The following C1orf105 variants were observed in gnomAD, a reference collection of about 807,000 sequenced individuals.
The protein encoded by C1orf105 is chromosome 1 open reading frame 105, also known as uncharacterized protein C1orf105.
Under a neutral mutation model 20.8 loss-of-function variants are expected in C1orf105, and 17 were observed. That is an observed-to-expected ratio of 0.82 (90% CI 0.56 to 1.23). The LOEUF (loss-of-function observed/expected upper bound fraction) is 1.23. Among genes scored for constraint, C1orf105 ranks in the 50% most tolerant of loss-of-function variants. The probability of loss-of-function intolerance (pLI) is 0.00; values close to 1 mark genes in which losing one functional copy is unlikely to be tolerated. For missense variants in C1orf105, 219 were observed against 213.5 expected, an observed-to-expected ratio of 1.03 and a Z score of -0.16; for synonymous variants, 72 against 72.1, an observed-to-expected ratio of 1.00 and a Z score of 0.01.
intron 6 of C1orf105, chr1:172,465,739 G>A (rs936101960): frequency 5.9e-5 from 27 of 458,726 alleles, no homozygotes; most frequent in Admixed American, 4.7e-5. Flanking sequence ...CCCTCAGAGC[G>A]GCCTCACCAA....
intron 4 of C1orf105, among the ~76,000 whole-genome samples, chr1:172,457,517 C>T (rs566627255): frequency 6.6e-6 from 1 of 152,314 alleles, no homozygotes; most frequent in East Asian, 1.9e-4. Flanking sequence ...CAAAGCTGCA[C>T]CTTGATGTTG....
At position 172,440,542 on chromosome 1, in the gene C1orf105, G is replaced by A. The variant is rs76237180; in HGVS notation, c.22-4531G>A. The stretch of plus-strand genomic sequence containing the variant: ...GCCCAAGATTTGATAATTTATTTCC[G>A]CCTTAGACAAACTGGATTGCTCCCC... On this transcript the variant is annotated intron_variant, in intron 1 of 6. Coordinates refer to ENST00000367727, the MANE Select transcript of C1orf105 (RefSeq NM_139240.4). 2.3e-3 allele frequency among the ~76,000 whole-genome samples: 345 copies of A among 152,188 alleles called. 8 individuals carry two copies. In the East Asian group the frequency reaches 0.053, roughly 24 times the overall value.
intron 2 of C1orf105, among the ~76,000 whole-genome samples, chr1:172,447,313 C>T (rs1173512386): frequency 1.3e-5 from 2 of 152,210 alleles, no homozygotes; most frequent in Non-Finnish European, 1.5e-5. Flanking sequence ...AACACACCTA[C>T]AGGGTTGGAG....
chr1:172,448,344 C>A, intron 2 of C1orf105, 97 bp from the exon 3 acceptor site: 1 of 781,388 alleles, frequency 1.3e-6, no homozygotes, highest in Admixed American at 2.2e-5. Flanking sequence ...AAGATAGCTC[C>A]CTGTGGTGTC....
intron 3 of C1orf105, among the ~76,000 whole-genome samples, chr1:172,449,142 C>G (rs925598802): frequency 1.3e-5 from 2 of 152,134 alleles, no homozygotes; most frequent in East Asian, 3.9e-4. Flanking sequence ...CTAAGGCACT[C>G]GACACGGTGC....
chr1:172,421,333 AC>A (rs908813172), intron 1 of C1orf105, among the ~76,000 whole-genome samples: 7 of 152,226 alleles, frequency 4.6e-5, no homozygotes, highest in Admixed American at 1.3e-4. Context: ...AGAAAAAAAA[AC>A]TTGTATAGAC....
At chr1:172,467,233 T>C (rs145633498) in intron 6 of C1orf105, among the ~76,000 whole-genome samples, 93 of 152,334 alleles carry the variant, frequency 6.1e-4, no homozygotes, top group African/African-American at 2.1e-3. Flanking sequence ...CTGTGTTCCC[T>C]GTGGATTGCT....
At chr1:172,432,506 G>T (rs973822418) in intron 1 of C1orf105, among the ~76,000 whole-genome samples, 2 of 152,214 alleles carry the variant, frequency 1.3e-5, no homozygotes, top group African/African-American at 4.8e-5. Flanking sequence ...AACTCCAACA[G>T]ACCTGCAGCT....
chr1:172,429,727 C>A (rs1047358545), intron 1 of C1orf105, among the ~76,000 whole-genome samples: 1 of 152,238 alleles, frequency 6.6e-6, no homozygotes, highest in Non-Finnish European at 1.5e-5. Context: ...GACACCAATA[C>A]AATCTCCACA....
At chr1:172,453,864 C>T (rs572349939) in intron 3 of C1orf105, among the ~76,000 whole-genome samples, 16 of 152,312 alleles carry the variant, frequency 1.1e-4, no homozygotes, top group African/African-American at 3.1e-4. Flanking sequence ...AACACCTACA[C>T]TATGTCTTAA....
At chr1:172,460,695 G>A (rs1387538699) in intron 4 of C1orf105, among the ~76,000 whole-genome samples, 2 of 152,198 alleles carry the variant, frequency 1.3e-5, no homozygotes, top group Non-Finnish European at 1.5e-5. Flanking sequence ...CTGTCTTTAA[G>A]GAGTCAACAA....
At chr1:172,430,726 C>T (rs2071847832) in intron 1 of C1orf105, among the ~76,000 whole-genome samples, 1 of 152,162 alleles carries the variant, frequency 6.6e-6, no homozygotes, top group East Asian at 1.9e-4. Context: ...CAGGTGTGAG[C>T]CATTGCGCCC....
intron 4 of C1orf105, among the ~76,000 whole-genome samples, chr1:172,459,513 T>C (rs932367366): frequency 8.5e-5 from 13 of 152,142 alleles, no homozygotes; most frequent in Admixed American, 2.0e-4. Flanking sequence ...TCCACTAGGA[T>C]GGTTGTAATA....
intron 3 of C1orf105, among the ~76,000 whole-genome samples, chr1:172,455,992 C>T (rs114497016): frequency 6.6e-6 from 1 of 152,226 alleles, no homozygotes; most frequent in African/African-American, 2.4e-5. Context: ...TTTCTTAGGC[C>T]ATCAGAGATC....
chr1:172,421,265 C>G (rs993506486), intron 1 of C1orf105, among the ~76,000 whole-genome samples: 1 of 152,100 alleles, frequency 6.6e-6, no homozygotes, highest in Non-Finnish European at 1.5e-5. Context: ...ACCTTCTCAA[C>G]TGTGAATGCA....
intron 1 of C1orf105, among the ~76,000 whole-genome samples, chr1:172,421,781 G>A (rs546484955): frequency 4.6e-5 from 7 of 152,246 alleles, no homozygotes; most frequent in African/African-American, 1.7e-4. Flanking sequence ...TTGAATTGCT[G>A]ACACCACCCC....
In C1orf105 at chr1:172,468,574, G is replaced by A; in HGVS notation, c.532G>A (p.Gly178Ser). ...TTCCTTGCCCAGAAAGGAACCAATA[G>A]GCAAGACAACGAGGCAGTGAGCGGT... ...RSSLPRKEPI[G>S]KTTRQ is the part of the protein sequence containing the mutation. Residue 178 changes from glycine to serine, a missense_variant, in exon 7 of 7, where the codon GGC becomes AGC. Physicochemically the swap from Gly to Ser is moderately conservative, Grantham distance 56 (BLOSUM62 0). Transcript: ENST00000367727. 1.2e-6 allele frequency: 2 copies of A among 1,613,592 alleles called. No individual in the cohort carries two copies. The highest frequency in any genetic ancestry group is 2.2e-5 in the South Asian group (2 of 91,016).
chr1:172,465,441 A>G (rs1649977714), intron 6 of C1orf105, 78 bp downstream of exon 6: 1 of 1,041,170 alleles, frequency 9.6e-7, no homozygotes, highest in Admixed American at 1.7e-5. Flanking sequence ...TAATCCCTAA[A>G]ATAATTTCTA....
At position 172,444,154 on chromosome 1, in the gene C1orf105, C is replaced by T. The variant is rs150619027; in HGVS notation, c.22-919C>T. ...AACCATCGCGACGTGACTGCTGCCC[C>T]CTCCTGGCTGCTCGAAGGACCTCCG... On this transcript the variant is annotated intron_variant, in intron 1 of 6. Transcript: ENST00000367727. 1,095 of 988,098 alleles carry T rather than the reference C, an allele frequency of 1.1e-3. 6 individuals are homozygous for T. The African/African-American group carries it at 0.018, about 16-fold the overall frequency. The allele number at this position is 988,098 out of a possible 1,614,324, so 61.2% of individuals were successfully genotyped here.
Sources: gnomAD v4.1 joint callset for allele counts (sites outside exome capture counted in the v4.1 genomes callset) on GRCh38, gnomAD v4.1.1 for gene constraint, MANE v1.5 for transcripts, NCBI Gene and HGNC (gene_info 2026-07-23, HGNC 2026-07-21) for gene names.